Variants in GPR78 observed in about 807,000 individuals in gnomAD.
GPR78 encodes G protein-coupled receptor 78.
In GPR78, 29 loss-of-function variants were observed where a neutral mutation model predicts 17.9. That is an observed-to-expected ratio of 1.62 (90% CI 1.20 to 2.21). The LOEUF is 2.21. Ranked by LOEUF, GPR78 falls within the 30% of genes most tolerant of loss-of-function variation. The probability of loss-of-function intolerance (pLI) is 0.00; values close to 1 mark genes in which losing one functional copy is unlikely to be tolerated. For synonymous variants in GPR78, 349 were observed against 256.9 expected, an observed-to-expected ratio of 1.36 and a Z score of -3.43; for missense variants, 649 against 530.5, an observed-to-expected ratio of 1.22 and a Z score of -2.19.
intron 2 of GPR78, among the ~76,000 whole-genome samples, chr4:8,585,037 G>A (rs1474946674): frequency 2.0e-5 from 3 of 152,202 alleles, no homozygotes; most frequent in Admixed American, 6.5e-5. Context: ...GGGGACATGG[G>A]ATTTTTATTT....
At position 8,581,512 on chromosome 4, in the gene GPR78, A is replaced by ATGCCG. The variant is rs1713285667; in HGVS notation, c.533_537dup (p.Gly180ProfsTer34). 8 of 1,592,190 alleles carry ATGCCG rather than the reference A, an allele frequency of 5.0e-6. No homozygotes were observed. Among genetic ancestry groups the ATGCCG allele is most frequent in the African/African-American group, 1.3e-5 (1 of 74,830 alleles). On this transcript the variant is annotated frameshift_variant, in exon 1 of 3. Transcript: ENST00000382487. LOFTEE classifies it high-confidence loss of function. Reference sequence around the variant, plus strand: ...TTCGCAGCCTTCACCGCCACGCTCCATGCCGTGGGCTTCGTGCTGCCGCTG... The same window carrying ATGCCG: ...TTCGCAGCCTTCACCGCCACGCTCCATGCCGTGCCGTGGGCTTCGTGCTGCCGCTG...
At chr4:8,582,461 C>T (rs1316176032) in intron 1 of GPR78, 70 bp from the exon 2 acceptor site, 3 of 1,036,814 alleles carry the variant, frequency 2.9e-6, no homozygotes, top group Non-Finnish European at 3.0e-6. Context: ...TCACTTCAGC[C>T]CCTGGGCTCT....
chr4:8,581,339 A>C lies in GPR78; in HGVS notation c.357A>C (p.Arg119=), dbSNP rs755167168. The part of the protein sequence containing the change: ...GFPLRYAGRL[R]PRYAGLLLGC... ...CACTGCGCTACGCCGGACGCCTGCGACCGCGCTATGCCGGCCTGCTGCTGG... is the reference window on the plus strand; with the variant it reads ...CACTGCGCTACGCCGGACGCCTGCGCCCGCGCTATGCCGGCCTGCTGCTGG... Residue 119 remains arginine (R), a synonymous_variant, in exon 1 of 3, where the codon CGA becomes CGC. Coordinates refer to ENST00000382487, the MANE Select transcript of GPR78 (RefSeq NM_080819.5). 1 of 1,577,060 alleles carries C rather than the reference A, an allele frequency of 6.3e-7. No homozygotes were observed.
At chr4:8,585,528 C>T (rs1411653778) in intron 2 of GPR78, among the ~76,000 whole-genome samples, 1 of 152,154 alleles carries the variant, frequency 6.6e-6, no homozygotes, top group East Asian at 1.9e-4. Context: ...TGATATTGGG[C>T]TCCCTGTATG....
chr4:8,582,390 C>G, intron 1 of GPR78, 141 bp from the exon 2 acceptor site: 1 of 590,858 alleles, frequency 1.7e-6, no homozygotes, highest in African/African-American at 1.8e-5. Context: ...CTCTCTCCCC[C>G]ATCCCTCTGT....
chr4:8,580,775 C>T lies in GPR78; in HGVS notation c.-208C>T. 1.7e-6 allele frequency: 1 copy of T among 588,908 alleles called. No homozygotes were observed. Among genetic ancestry groups the T allele is most frequent in the Non-Finnish European group, 2.9e-6 (1 of 341,884 alleles). 36.5% of individuals were successfully genotyped at this position (588,908 alleles called of 1,614,324 possible). ...CCAGGGCGGCCCCGGGCTGCTCCTG[C>T]TCCGCAGAGCTACGCCCTCCCCCCG... is the stretch of plus-strand genomic sequence containing the variant. On this transcript the variant is annotated 5_prime_UTR_variant, in exon 1 of 3. Transcript: ENST00000382487.
chr4:8,584,454 A>T (rs763121664), intron 2 of GPR78, among the ~76,000 whole-genome samples: 1 of 152,240 alleles, frequency 6.6e-6, no homozygotes, highest in Non-Finnish European at 1.5e-5. Context: ...ACAATATAGC[A>T]CTAACGAGGT....
chr4:8,587,190 G>A lies in GPR78; in HGVS notation c.919G>A (p.Gly307Ser), dbSNP rs766883899. The A allele has an allele frequency of 1.7e-5, 28 of 1,612,628 alleles. No individual in the cohort carries two copies. The highest frequency in any genetic ancestry group is 5.5e-5 in the South Asian group (5 of 91,070). Reference sequence around the variant, plus strand: ...CCGGCCGTTCCGCCAAGTCCTGGCCGGCATGGTGCACCGGCTGCTGAAGAG... The same window carrying A: ...CCGGCCGTTCCGCCAAGTCCTGGCCAGCATGGTGCACCGGCTGCTGAAGAG... ...LRRPFRQVLA[G>S]MVHRLLKRTP... Residue 307 changes from glycine (G) to serine (S), a missense_variant, in exon 3 of 3, where the codon GGC becomes AGC. Transcript: ENST00000382487.
rs562700588 is a variant in GPR78, at chr4:8,580,658, C to T, written c.-325C>T. The T allele has an allele frequency of 2.3e-6, 1 of 432,140 alleles. No individual in the cohort carries two copies. The highest frequency in any genetic ancestry group is 4.1e-6 in the Non-Finnish European group (1 of 245,808). The allele number at this position is 432,140 out of a possible 1,614,324, so 26.8% of individuals were successfully genotyped here. ...AGAGACCTCCCTCGCCCCTACGCCC[C>T]GCGCCCCTGCGCCTCGCTTCAGCCT... is the stretch of plus-strand genomic sequence containing the variant. On this transcript the variant is annotated 5_prime_UTR_variant, in exon 1 of 3. Transcript: ENST00000382487.
rs1438830640 is a variant in GPR78, at chr4:8,587,597, C to T, written c.*234C>T. The T allele has an allele frequency of 1.7e-5, 10 of 588,364 alleles. No individual in the cohort carries two copies. Among genetic ancestry groups the T allele is most frequent in the Admixed American group, 6.0e-5 (2 of 33,254 alleles). 36.4% of individuals were successfully genotyped at this position (588,364 alleles called of 1,614,324 possible). A position where few individuals can be genotyped will look rare whatever the true frequency, so the allele number is the denominator to read the frequency against. ...CTGCTGGGTGGCCCCGGGACAGTGG[C>T]TTTTCCTCTCTGAACCTTAGCTTCC... is the stretch of plus-strand genomic sequence containing the variant. On this transcript the variant is annotated 3_prime_UTR_variant, in exon 3 of 3. Coordinates refer to ENST00000382487, the MANE Select transcript of GPR78 (RefSeq NM_080819.5).
intron 2 of GPR78, among the ~76,000 whole-genome samples, chr4:8,585,804 T>C (rs1292766473): frequency 2.0e-5 from 3 of 152,088 alleles, no homozygotes; most frequent in Non-Finnish European, 2.9e-5. Flanking sequence ...AGCCTCCTCA[T>C]CCCCATCCCG....
At position 8,581,342 on chromosome 4, in the gene GPR78, G is replaced by A. The variant is rs758563216; in HGVS notation, c.360G>A (p.Pro120=). 1.3e-6 allele frequency: 2 copies of A among 1,577,200 alleles called. No individual in the cohort carries two copies. The highest frequency in any genetic ancestry group is 2.7e-5 in the African/African-American group (2 of 74,382). ...TGCGCTACGCCGGACGCCTGCGACC[G>A]CGCTATGCCGGCCTGCTGCTGGGCT... The part of the protein sequence containing the change: ...FPLRYAGRLR[P]RYAGLLLGCA... Residue 120 remains proline, a synonymous_variant, in exon 1 of 3, where the codon CCG becomes CCA. Transcript: ENST00000382487.
chr4:8,582,445 C>G (rs1713332531), intron 1 of GPR78, 86 bp from the exon 2 acceptor site: 2 of 839,258 alleles, frequency 2.4e-6, no homozygotes, highest in East Asian at 2.5e-5. Context: ...ACCCTCCTGT[C>G]TGCCCTCACT....
In GPR78 at chr4:8,582,515, T is replaced by C; in HGVS notation, c.669-16T>C. 6.4e-7 allele frequency: 1 copy of C among 1,574,102 alleles called. No homozygotes were observed. Among genetic ancestry groups the C allele is most frequent in the Non-Finnish European group, 8.7e-7 (1 of 1,152,724 alleles). On this transcript the variant is annotated splice_polypyrimidine_tract_variant and intron_variant, in intron 1 of 2. Transcript: ENST00000382487. The stretch of plus-strand genomic sequence containing the variant: ...CACCCTGCCATCATCCTGACCACTG[T>C]CCTCTGTCCCCACAGTGTGCGGCAG...
intron 1 of GPR78, 117 bp from the exon 2 acceptor site, chr4:8,582,414 C>T (rs1041087028): frequency 3.0e-6 from 2 of 672,094 alleles, no homozygotes; most frequent in Non-Finnish European, 5.3e-6. Context: ...CCTCAGGTTC[C>T]AGGCTAAACA....
intron 2 of GPR78, 95 bp from the exon 3 acceptor site, chr4:8,586,959 G>C: frequency 8.9e-7 from 1 of 1,119,558 alleles, no homozygotes; most frequent in South Asian, 1.4e-5. Flanking sequence ...GCTGCGGTAC[G>C]TACTTGAGTA....
chr4:8,582,957 C>G, intron 2 of GPR78: 1 of 236,800 alleles, frequency 4.2e-6, no homozygotes, highest in Non-Finnish European at 8.2e-6. Flanking sequence ...CAACCTGGGA[C>G]TAACTCAGGC....
chr4:8,581,698 C>T (rs1713297814), intron 1 of GPR78, 48 bp downstream of exon 1: 1 of 1,366,752 alleles, frequency 7.3e-7, no homozygotes, highest in Non-Finnish European at 9.5e-7. Flanking sequence ...GACTTGGGCG[C>T]TCCCTGGGCA....
intron 1 of GPR78, 148 bp downstream of exon 1, chr4:8,581,798 G>A: frequency 1.6e-6 from 1 of 607,780 alleles, no homozygotes; most frequent in Non-Finnish European, 2.7e-6. Flanking sequence ...GCTCACAGGG[G>A]TTTCCTGTTG....
Sources: allele counts gnomAD v4.1 joint callset (sites outside exome capture counted in the v4.1 genomes callset), GRCh38; gene constraint gnomAD v4.1.1; transcripts MANE v1.5; gene names NCBI Gene and HGNC (gene_info 2026-07-23, HGNC 2026-07-21).